MAPK8: variants seen among roughly 807,000 people sequenced by gnomAD.
The protein encoded by MAPK8 is mitogen-activated protein kinase 8, also known as JUN N-terminal kinase.
Under a neutral mutation model 52.9 loss-of-function variants are expected in MAPK8, and 13 were observed. The ratio of observed to expected loss-of-function variants is 0.25; its 90% CI spans 0.16 to 0.39. MAPK8 has a LOEUF of 0.39. MAPK8 is among the 10% of genes least tolerant of loss of function. The probability of loss-of-function intolerance (pLI) is 1.00; values close to 1 mark genes in which losing one functional copy is unlikely to be tolerated. For synonymous variants in MAPK8, 191 were observed against 169.8 expected (o/e 1.12, Z -0.97); for missense variants, 300 against 519.2 (o/e 0.58, Z 4.10).
At position 48,418,768 on chromosome 10, in the gene MAPK8, G is replaced by C. The variant is rs188591181; in HGVS notation, c.451-1387G>C. 3.9e-3 allele frequency among the ~76,000 whole-genome samples: 593 copies of C among 152,246 alleles called. 4 individuals are homozygous for C. Among genetic ancestry groups the C allele is most frequent in the Non-Finnish European group, 5.4e-3 (368 of 67,994 alleles). The stretch of plus-strand genomic sequence containing the variant: ...ATATATGGATGAATTTCAATTAATA[G>C]TCTTTGAGGCTTTTTTTGACAATTT... On this transcript the variant is annotated intron_variant, in intron 5 of 11. Coordinates refer to ENST00000374189, the MANE Select transcript of MAPK8 (RefSeq NM_001323329.2).
At chr10:48,420,080 A>G (rs914445316) in intron 5 of MAPK8, 75 bp from the exon 6 acceptor site, 2 of 1,055,906 alleles carry the variant, frequency 1.9e-6, no homozygotes, top group African/African-American at 1.6e-5. Flanking sequence ...TGCAAGGGAT[A>G]GTATAACTTT....
intron 1 of MAPK8, among the ~76,000 whole-genome samples, chr10:48,387,996 C>G (rs1239782380): frequency 6.6e-6 from 1 of 152,108 alleles, no homozygotes; most frequent in Non-Finnish European, 1.5e-5. Context: ...TACATATACA[C>G]TCTTGAGCAT....
intron 1 of MAPK8, among the ~76,000 whole-genome samples, chr10:48,394,718 ATAGT>A (rs1181885235): frequency 6.6e-5 from 10 of 151,914 alleles, no homozygotes; most frequent in African/African-American, 1.9e-4. Flanking sequence ...TATGGAAATT[ATAGT>A]TAGGGCAGTG....
At chr10:48,399,486 C>A (rs1350724871) in intron 1 of MAPK8, among the ~76,000 whole-genome samples, 1 of 152,186 alleles carries the variant, frequency 6.6e-6, no homozygotes, top group Non-Finnish European at 1.5e-5. Flanking sequence ...GCTCATCTGC[C>A]TGCCATAGCC....
intron 1 of MAPK8, among the ~76,000 whole-genome samples, chr10:48,384,763 A>C (rs759564331): frequency 1.3e-5 from 2 of 152,208 alleles, no homozygotes; most frequent in African/African-American, 2.4e-5. Flanking sequence ...AGAACATGAG[A>C]GTTTCATAGT....
At chr10:48,340,167 G>A (rs2132327478) in intron 1 of MAPK8, among the ~76,000 whole-genome samples, 1 of 152,252 alleles carries the variant, frequency 6.6e-6, no homozygotes, top group East Asian at 1.9e-4. Flanking sequence ...CATCAACAGT[G>A]GATTAGATAA....
chr10:48,403,472 AT>A (rs2042266920), intron 2 of MAPK8, among the ~76,000 whole-genome samples: 1 of 152,010 alleles, frequency 6.6e-6, no homozygotes, highest in Admixed American at 6.6e-5. Flanking sequence ...AAAAAAAAAA[AT>A]CAGAGCAATT....
chr10:48,391,602 TA>T lies in MAPK8; in HGVS notation c.-49-10009del, dbSNP rs375546771. On this transcript the variant is annotated intron_variant, in intron 1 of 11. Transcript: ENST00000374189. ...AAGACTTATGTGATCAAATGTTGCA[TA>T]GGGGGAGTTCCCCACACACCAAGCA... Among the ~76,000 whole-genome samples the T allele has an allele frequency of 6.4e-4, 98 of 152,280 alleles. 1 individual carries two copies. The East Asian group carries it at 0.017, about 27-fold the overall frequency.
chr10:48,398,846 G>A (rs1426875212), intron 1 of MAPK8, among the ~76,000 whole-genome samples: 1 of 152,134 alleles, frequency 6.6e-6, no homozygotes, highest in Admixed American at 6.5e-5. Flanking sequence ...AGGAGTTGGG[G>A]GGCAAGGGGT....
intron 1 of MAPK8, among the ~76,000 whole-genome samples, chr10:48,386,219 C>G (rs1209944992): frequency 2.0e-5 from 3 of 152,076 alleles, no homozygotes; most frequent in African/African-American, 7.2e-5. Flanking sequence ...TTCGGGTCTT[C>G]TCAAGGAATG....
At chr10:48,406,840 A>C (rs2042498430) in intron 3 of MAPK8, among the ~76,000 whole-genome samples, 1 of 152,134 alleles carries the variant, frequency 6.6e-6, no homozygotes, top group African/African-American at 2.4e-5. Flanking sequence ...CTACTGCATA[A>C]GCCACCTAGC....
intron 5 of MAPK8, among the ~76,000 whole-genome samples, chr10:48,417,536 A>G (rs1023974780): frequency 6.6e-6 from 1 of 152,172 alleles, no homozygotes; most frequent in Admixed American, 6.5e-5. Context: ...CACTGCTCCA[A>G]ACTGTGGGTC....
At chr10:48,382,815 A>G (rs1016703557) in intron 1 of MAPK8, among the ~76,000 whole-genome samples, 3 of 147,198 alleles carry the variant, frequency 2.0e-5, no homozygotes, top group Non-Finnish European at 4.5e-5. Flanking sequence ...TATATTATAT[A>G]TATGACTCAG....
chr10:48,417,464 A>G (rs1195249979), intron 5 of MAPK8, among the ~76,000 whole-genome samples: 1 of 152,164 alleles, frequency 6.6e-6, no homozygotes, highest in Non-Finnish European at 1.5e-5. Flanking sequence ...AACCAACCCA[A>G]GATATCAGTG....
intron 3 of MAPK8, among the ~76,000 whole-genome samples, chr10:48,406,159 G>A (rs1275993063): frequency 6.6e-6 from 1 of 152,152 alleles, no homozygotes; most frequent in African/African-American, 2.4e-5. Flanking sequence ...TGAAGGAAAG[G>A]AGCCTTCAGA....
intron 10 of MAPK8, among the ~76,000 whole-genome samples, chr10:48,427,811 A>G (rs575231476): frequency 6.6e-6 from 1 of 152,280 alleles, no homozygotes; most frequent in East Asian, 1.9e-4. Flanking sequence ...CTGGAAGGTT[A>G]TTCTCTTTTA....
At chr10:48,373,574 A>AAAAAAAAAAAAAAAAAAAAC (rs2040461016) in intron 1 of MAPK8, among the ~76,000 whole-genome samples, 1 of 130,362 alleles carries the variant, frequency 7.7e-6, no homozygotes, top group African/African-American at 3.5e-5. Flanking sequence ...TTGAAAGCAA[A>AAAAAAAAAAAAAAAAAAAAC]AAAAAAAAAA....
rs1237716763 is a variant in MAPK8 at position 48,426,446 on chromosome 10, A to G, written c.938A>G (p.Asp313Gly). The change falls in exon 9 of 12, where the codon GAT becomes GGT. Residue 313 changes from aspartate (D) to glycine (G), a missense_variant. Physicochemically the swap from Asp to Gly is moderately conservative, Grantham distance 94. Coordinates refer to ENST00000374189, the MANE Select transcript of MAPK8 (RefSeq NM_001323329.2). Reference sequence around the variant, plus strand: ...GATGCATCTAAAAGGATCTCTGTAGATGAAGCTCTCCAACACCCGTACATC... The same window carrying G: ...GATGCATCTAAAAGGATCTCTGTAGGTGAAGCTCTCCAACACCCGTACATC... ...VIDASKRISV[D>G]EALQHPYINV... 7.4e-6 allele frequency: 12 copies of G among 1,611,946 alleles called. No individual in the cohort carries two copies. The highest frequency in any genetic ancestry group is 1.3e-5 in the African/African-American group (1 of 74,854).
At chr10:48,329,467 G>A (rs1019752006) in intron 1 of MAPK8, among the ~76,000 whole-genome samples, 2 of 151,578 alleles carry the variant, frequency 1.3e-5, no homozygotes, top group Non-Finnish European at 2.9e-5. Context: ...ATGAGACAAC[G>A]TTATCTTGAA....
Sources: allele counts gnomAD v4.1 joint callset (sites outside exome capture counted in the v4.1 genomes callset), GRCh38; gene constraint gnomAD v4.1.1; transcripts MANE v1.5; gene names NCBI Gene and HGNC (gene_info 2026-07-23, HGNC 2026-07-21).